TTLL11: variants seen among roughly 807,000 people sequenced by gnomAD.
TTLL11 encodes tubulin tyrosine ligase like 11.
TTLL11 carries 42 observed loss-of-function variants against 51.7 expected under a neutral mutation model. The observed-to-expected ratio is 0.81, with a 90% CI of 0.64 to 1.05. The LOEUF is 1.05. Ranked by LOEUF, TTLL11 falls within the 50% of genes least tolerant of loss-of-function variation. The probability of loss-of-function intolerance (pLI) is 0.00; values close to 1 mark genes in which losing one functional copy is unlikely to be tolerated. For missense variants in TTLL11, 799 were observed against 940.4 expected (o/e 0.85, Z 1.97); for synonymous variants, 381 against 383.5 (o/e 0.99, Z 0.08).
intron 6 of TTLL11, among the ~76,000 whole-genome samples, chr9:121,914,487 G>T (rs1232594477): frequency 6.6e-6 from 1 of 152,216 alleles, no homozygotes; most frequent in Non-Finnish European, 1.5e-5. Flanking sequence ...AAATCTGTAG[G>T]CAGGGCCTTC....
At chr9:122,030,210 G>T (rs1257413310) in intron 3 of TTLL11, among the ~76,000 whole-genome samples, 3 of 142,956 alleles carry the variant, frequency 2.1e-5, no homozygotes, top group Admixed American at 7.1e-5. Flanking sequence ...ATTGGGGGGG[G>T]GGGGGTAATT....
chr9:121,934,229 A>C (rs1841106395), intron 6 of TTLL11, among the ~76,000 whole-genome samples: 1 of 140,086 alleles, frequency 7.1e-6, no homozygotes, highest in Non-Finnish European at 1.5e-5. Flanking sequence ...GCAAAACTCC[A>C]TCTCAAAAAT....
At chr9:121,836,018 G>A (rs1230275571) in intron 8 of TTLL11, among the ~76,000 whole-genome samples, 4 of 152,176 alleles carry the variant, frequency 2.6e-5, no homozygotes, top group Non-Finnish European at 5.9e-5. Context: ...ATGACAAGAG[G>A]GATTACTAAG....
At position 122,044,127 on chromosome 9, in the gene TTLL11, C is replaced by T. The variant is rs190362514; in HGVS notation, c.463-4759G>A. Among the ~76,000 whole-genome samples the T allele has an allele frequency of 5.9e-4, 90 of 152,136 alleles. 1 individual carries two copies. Among genetic ancestry groups the T allele is most frequent in the African/African-American group, 1.8e-3 (74 of 41,480 alleles). On this transcript the variant is annotated intron_variant, in intron 1 of 8. Transcript: ENST00000321582. ...TGCAGTGTTTGGTTTTTTGTCCTTG[C>T]GATAGTTTGCTGAGAATGATGGTTT...
chr9:121,830,709 A>C (rs1271134144), intron 8 of TTLL11, among the ~76,000 whole-genome samples: 2 of 152,162 alleles, frequency 1.3e-5, no homozygotes, highest in Non-Finnish European at 2.9e-5. Flanking sequence ...TAAGTAGGAG[A>C]GAACATTCTC....
chr9:121,946,836 C>A (rs1841687814), intron 6 of TTLL11, among the ~76,000 whole-genome samples: 1 of 152,092 alleles, frequency 6.6e-6, no homozygotes, highest in South Asian at 2.1e-4. Flanking sequence ...CCTATTGGTT[C>A]CAATATGCAG....
In TTLL11 at chr9:122,012,886, G is replaced by A. The variant is rs983031963; in HGVS notation, c.693+18837C>T. ...TGAAGACCCAGAACACTTTGTCTAA[G>A]CATTCTTAGCTCCAGCTTAGATTTC... On this transcript the variant is annotated intron_variant, in intron 3 of 8. Transcript: ENST00000321582. Among the ~76,000 whole-genome samples the A allele has an allele frequency of 4.6e-5, 7 of 152,284 alleles. No homozygotes were observed. The South Asian group carries it at 1.5e-3, about 32-fold the overall frequency.
intron 6 of TTLL11, among the ~76,000 whole-genome samples, chr9:121,880,817 G>A (rs1212086992): frequency 2.6e-5 from 4 of 152,224 alleles, no homozygotes; most frequent in Non-Finnish European, 5.9e-5. Flanking sequence ...AGTTACTAAC[G>A]TGAGTTTACA....
At chr9:122,038,184 T>C (rs879458728) in intron 2 of TTLL11, among the ~76,000 whole-genome samples, 3 of 152,168 alleles carry the variant, frequency 2.0e-5, no homozygotes, top group Non-Finnish European at 2.9e-5. Context: ...GGTGATGTTC[T>C]TTTTAGAAAG....
intron 6 of TTLL11, 55 bp from the exon 7 acceptor site, chr9:121,870,803 A>G: frequency 6.8e-7 from 1 of 1,472,234 alleles, no homozygotes; most frequent in South Asian, 1.4e-5. Flanking sequence ...TTTCTCCTTT[A>G]CTTGAGATTT....
intron 4 of TTLL11, among the ~76,000 whole-genome samples, chr9:121,983,372 T>C (rs1273273305): frequency 1.3e-5 from 2 of 152,156 alleles, no homozygotes; most frequent in African/African-American, 4.8e-5. Context: ...GATATACCAA[T>C]CTGGAGCTCA....
chr9:122,048,014 T>C (rs563662316), intron 1 of TTLL11, among the ~76,000 whole-genome samples: 187 of 152,184 alleles, frequency 1.2e-3, no homozygotes, highest in Non-Finnish European at 2.4e-3. Context: ...TTATTTTTAA[T>C]TTCCTCTCCT....
rs1840583196 is a variant in TTLL11, at chr9:121,922,609, CTTGGA to C, written c.1481+51395_1481+51399del. On this transcript the variant is annotated intron_variant, in intron 6 of 8. Transcript: ENST00000321582. ...AAGGGTAAAATGGATTTTTTTCTCACTTGGAAGAAATGACTCCAATTCTGGAAATC... is the reference window on the plus strand; with the variant it reads ...AAGGGTAAAATGGATTTTTTTCTCACAGAAATGACTCCAATTCTGGAAATC... Among the ~76,000 whole-genome samples the C allele has an allele frequency of 4.6e-5, 7 of 152,284 alleles. No individual in the cohort carries two copies. In the South Asian group the frequency reaches 1.2e-3, roughly 27 times the overall value.
At chr9:122,050,291 TAA>T (rs1247902727) in intron 1 of TTLL11, among the ~76,000 whole-genome samples, 1 of 152,112 alleles carries the variant, frequency 6.6e-6, no homozygotes, top group East Asian at 1.9e-4. Context: ...AACTTCAATT[TAA>T]AAAGACACCA....
chr9:121,846,879 T>C (rs1383426102), intron 8 of TTLL11, among the ~76,000 whole-genome samples: 1 of 151,980 alleles, frequency 6.6e-6, no homozygotes, highest in Non-Finnish European at 1.5e-5. Flanking sequence ...AAAAAGTAAA[T>C]TTAATCCAAA....
chr9:121,817,526 T>A lies in TTLL11; in HGVS notation c.*5061A>T, dbSNP rs1213282423. Reference sequence around the variant, plus strand: ...TCCCAAAGATCAAGTGAGACAGGACTTGCCACTCTCACTAAGTGGCTGGGA... The same window carrying A: ...TCCCAAAGATCAAGTGAGACAGGACATGCCACTCTCACTAAGTGGCTGGGA... On this transcript the variant is annotated 3_prime_UTR_variant, in exon 9 of 9. Coordinates refer to ENST00000321582, the MANE Select transcript of TTLL11 (RefSeq NM_001139442.2). 1 of 152,238 alleles carries A rather than the reference T, an allele frequency of 6.6e-6. No individual in the cohort carries two copies. Among genetic ancestry groups the A allele is most frequent in the African/African-American group, 2.4e-5 (1 of 41,466 alleles). The allele number at this position is 152,238 out of a possible 1,614,324, so 9.4% of individuals were successfully genotyped here. A position where few individuals can be genotyped will look rare whatever the true frequency, so the allele number is the denominator to read the frequency against.
intron 6 of TTLL11, among the ~76,000 whole-genome samples, chr9:121,943,635 G>GT (rs1184779021): frequency 2.0e-5 from 3 of 152,194 alleles, no homozygotes; most frequent in Non-Finnish European, 2.9e-5. Context: ...GCCAGAGCTT[G>GT]TATCTATTTT....
intron 8 of TTLL11, among the ~76,000 whole-genome samples, chr9:121,837,578 C>G (rs1179878025): frequency 6.6e-6 from 1 of 152,132 alleles, no homozygotes; most frequent in Non-Finnish European, 1.5e-5. Context: ...TTAATGCTCC[C>G]AGCTTGTCAG....
chr9:121,866,866 T>C (rs1446449817), intron 7 of TTLL11, among the ~76,000 whole-genome samples: 1 of 152,156 alleles, frequency 6.6e-6, no homozygotes, highest in Non-Finnish European at 1.5e-5. Context: ...ACGGTCACCA[T>C]GGCTCCCTAA....
Sources: gnomAD v4.1 joint callset for allele counts (sites outside exome capture counted in the v4.1 genomes callset) on GRCh38, gnomAD v4.1.1 for gene constraint, MANE v1.5 for transcripts, NCBI Gene and HGNC (gene_info 2026-07-23, HGNC 2026-07-21) for gene names.